SLC35D2: variants seen among roughly 807,000 people sequenced by gnomAD.
SLC35D2 encodes the protein solute carrier family 35 member D2, also known as nucleotide sugar transporter SLC35D2.
SLC35D2 carries 43 observed loss-of-function variants against 41.8 expected under a neutral mutation model. The ratio of observed to expected loss-of-function variants is 1.03; its 90% confidence interval spans 0.81 to 1.33. SLC35D2 has a LOEUF of 1.33. Ranked by LOEUF, SLC35D2 falls within the 40% of genes most tolerant of loss-of-function variation. SLC35D2 has a pLI of 0.00. For synonymous variants in SLC35D2, 150 were observed against 163.9 expected (o/e 0.92, Z 0.65); for missense variants, 380 against 408.4 (o/e 0.93, Z 0.60).
rs1227086220 is a variant in SLC35D2 at position 96,364,483 on chromosome 9, T to C, written c.260A>G (p.Asp87Gly). 2.5e-6 allele frequency: 4 copies of C among 1,588,586 alleles called. No individual in the cohort carries two copies. Among genetic ancestry groups the C allele is most frequent in the Non-Finnish European group, 2.6e-6 (3 of 1,157,888 alleles). ...ACTTACCTTTACAGGAATTTTCTTA[T>C]CAAAATCAGGGAAGTGAATGATTTT... ...LNKIIHFPDF[D>G]KKIPVKLFPL... Residue 87 changes from aspartate to glycine, a missense_variant, in exon 3 of 12, where the codon GAT becomes GGT. Asp to Gly is a moderately conservative substitution (Grantham distance 94). Coordinates refer to ENST00000253270, the MANE Select transcript of SLC35D2 (RefSeq NM_007001.3).
chr9:96,350,076 C>A (rs1829746188), intron 6 of SLC35D2, among the ~76,000 whole-genome samples: 1 of 152,194 alleles, frequency 6.6e-6, no homozygotes, highest in African/African-American at 2.4e-5. Context: ...AACTCAGCCC[C>A]TGGCTAGGAC....
chr9:96,327,409 C>T (rs987496072), intron 9 of SLC35D2, among the ~76,000 whole-genome samples: 1 of 152,010 alleles, frequency 6.6e-6, no homozygotes, highest in Non-Finnish European at 1.5e-5. Context: ...CCACCTCAGC[C>T]TGCATTCAGA....
At chr9:96,375,146 G>A (rs141058054) in intron 1 of SLC35D2, among the ~76,000 whole-genome samples, 6 of 150,978 alleles carry the variant, frequency 4.0e-5, no homozygotes, top group Admixed American at 2.6e-4. Flanking sequence ...CGCCCACCAC[G>A]ATGCCCGGCT....
In SLC35D2 at chr9:96,350,956, A is replaced by G. The variant is rs1326208026; in HGVS notation, c.488+147T>C. 10 of 610,000 alleles carry G rather than the reference A, an allele frequency of 1.6e-5. No homozygotes were observed. In the East Asian group the frequency reaches 2.7e-4, roughly 17 times the overall value. 37.8% of individuals were successfully genotyped at this position (610,000 alleles called of 1,614,324 possible). On this transcript the variant is annotated intron_variant, in intron 6 of 11. Transcript: ENST00000253270. ...CCCACTTTGACTTTCATAGGAACAC[A>G]TGGGGATTCCACTAACTTCAACAGA...
At chr9:96,350,582 G>A (rs186255701) in intron 6 of SLC35D2, among the ~76,000 whole-genome samples, 181 of 151,996 alleles carry the variant, frequency 1.2e-3, no homozygotes, top group Non-Finnish European at 1.9e-3. Flanking sequence ...GCCTGCCCAC[G>A]AAGACTTGGA....
At position 96,378,216 on chromosome 9, in the gene SLC35D2, TTGAG is replaced by T. The variant is rs1322859090; in HGVS notation, c.158+5257_158+5260del. 1.6e-3 allele frequency among the ~76,000 whole-genome samples: 240 copies of T among 151,750 alleles called. 4 individuals are homozygous for T. The highest frequency in any genetic ancestry group is 4.6e-4 in the Non-Finnish European group (31 of 67,972). On this transcript the variant is annotated intron_variant, in intron 1 of 11. Coordinates refer to ENST00000253270, the MANE Select transcript of SLC35D2 (RefSeq NM_007001.3). ...TAGGAGGCCAAGCCAGGTGGACCACTTGAGCCCAAGAGTTCGAGACCAGCCTGAG... is the reference window on the plus strand; with the variant it reads ...TAGGAGGCCAAGCCAGGTGGACCACTCCCAAGAGTTCGAGACCAGCCTGAG...
At chr9:96,381,070 C>T (rs1435279472) in intron 1 of SLC35D2, among the ~76,000 whole-genome samples, 1 of 152,276 alleles carries the variant, frequency 6.6e-6, no homozygotes, top group Admixed American at 6.5e-5. Flanking sequence ...GCCCCTCTCC[C>T]TGATGCCAGT....
At chr9:96,327,287 A>G (rs1828580696) in intron 9 of SLC35D2, among the ~76,000 whole-genome samples, 1 of 152,186 alleles carries the variant, frequency 6.6e-6, no homozygotes, top group Non-Finnish European at 1.5e-5. Context: ...AGATCTGGCT[A>G]TATTACCCAG....
Position 96,383,652 on chromosome 9 carries a change from A to G in SLC35D2, c.-18T>C, listed in dbSNP as rs938544843. ...GCCGTCATCTCCTGCGGCCCCGCGG[A>G]CCCCGCCGCCCGCCAGCCCCGGCTG... On this transcript the variant is annotated 5_prime_UTR_variant, in exon 1 of 12. Transcript: ENST00000253270. 29 of 1,025,986 alleles carry G rather than the reference A, an allele frequency of 2.8e-5. No homozygotes were observed. Among genetic ancestry groups the G allele is most frequent in the Non-Finnish European group, 3.4e-5 (29 of 859,866 alleles). The allele number at this position is 1,025,986 out of a possible 1,614,324, so 63.6% of individuals were successfully genotyped here. A position where few individuals can be genotyped will look rare whatever the true frequency, so the allele number is the denominator to read the frequency against.
chr9:96,382,496 C>CACTCTATATATATATATATATATATA (rs200897475), intron 1 of SLC35D2, among the ~76,000 whole-genome samples: 35 of 127,932 alleles, frequency 2.7e-4, no homozygotes, highest in African/African-American at 1.0e-3. Flanking sequence ...CACACACACA[C>CACTCTATATATATATATATATATATA]TATATATATA....
At chr9:96,315,959 T>C (rs1476603148), downstream of SLC35D2, among the ~76,000 whole-genome samples, 1 of 152,146 alleles carries the variant, frequency 6.6e-6, no homozygotes, top group Non-Finnish European at 1.5e-5. Flanking sequence ...AACTAGTAAA[T>C]GACAAGTAGG....
chr9:96,354,100 A>G (rs750270574), intron 4 of SLC35D2, among the ~76,000 whole-genome samples: 32 of 152,252 alleles, frequency 2.1e-4, no homozygotes, highest in Non-Finnish European at 3.7e-4. Flanking sequence ...AAAACGCTTT[A>G]TATTTTCAAT....
intron 4 of SLC35D2, among the ~76,000 whole-genome samples, chr9:96,353,546 A>C (rs1335340726): frequency 1.3e-5 from 2 of 152,118 alleles, no homozygotes; most frequent in Non-Finnish European, 2.9e-5. Context: ...AAGTTTTGCC[A>C]TGTTGGCCAG....
At chr9:96,354,959 A>T (rs565384626) in intron 4 of SLC35D2, among the ~76,000 whole-genome samples, 7 of 151,562 alleles carry the variant, frequency 4.6e-5, no homozygotes, top group Admixed American at 3.3e-4. Flanking sequence ...GCACTTTGGG[A>T]GGCTGAAGTG....
At chr9:96,356,450 G>T (rs1830029735) in intron 4 of SLC35D2, among the ~76,000 whole-genome samples, 1 of 139,564 alleles carries the variant, frequency 7.2e-6, no homozygotes, top group African/African-American at 2.7e-5. Context: ...AAATGCAAGA[G>T]AATTAAAAAA....
chr9:96,327,338 G>C (rs1179351738), intron 9 of SLC35D2, among the ~76,000 whole-genome samples: 1 of 152,170 alleles, frequency 6.6e-6, no homozygotes, highest in African/African-American at 2.4e-5. Context: ...CCTCCCGCCT[G>C]TCTTCCAAGT....
At chr9:96,382,636 T>C (rs71499945) in intron 1 of SLC35D2, among the ~76,000 whole-genome samples, 3,838 of 151,974 alleles carry the variant, frequency 0.025, 69 homozygotes, top group Middle Eastern at 0.054. Context: ...TGTATGTATA[T>C]ATAAAAAAAG....
chr9:96,321,272 T>C lies in SLC35D2; in HGVS notation c.984A>G (p.Glu328=). 6.2e-7 allele frequency: 1 copy of C among 1,613,996 alleles called. No homozygotes were observed. Among genetic ancestry groups the C allele is most frequent in the Non-Finnish European group, 8.5e-7 (1 of 1,179,890 alleles). ...SSQLKPKPVG[E]ENICLDLKS ...TCTTCAAATCCAAACAGATGTTTTC[T>C]TCACCCACAGGTTTAGGTTTTAACT... Residue 328 remains glutamate, a synonymous_variant, in exon 12 of 12, where the codon GAA becomes GAG. Transcript: ENST00000253270.
chr9:96,383,619 G>A lies in SLC35D2; in HGVS notation c.16C>T (p.Gln6Ter), dbSNP rs1831304897. ...CCGCCAGCGCCCTCGGCCTCGGCCTGGCCGCCGGCCGTCATCTCCTGCGGC... is the reference window on the plus strand; with the variant it reads ...CCGCCAGCGCCCTCGGCCTCGGCCTAGCCGCCGGCCGTCATCTCCTGCGGC... MTAGG[Q>*]AEAEGAGGEP... is the part of the protein sequence containing the mutation. Residue 6 changes from glutamine to a stop codon, truncating the protein, a stop_gained, in exon 1 of 12, where the codon CAG (glutamine) becomes TAG (stop). Transcript: ENST00000253270. LOFTEE classifies it high-confidence loss of function. 2 of 1,164,540 alleles carry A rather than the reference G, an allele frequency of 1.7e-6. No homozygotes were observed. The highest frequency in any genetic ancestry group is 2.1e-6 in the Non-Finnish European group (2 of 950,604). The allele number at this position is 1,164,540 out of a possible 1,614,324, so 72.1% of individuals were successfully genotyped here.
Sources: gnomAD v4.1 joint callset for allele counts (sites outside exome capture counted in the v4.1 genomes callset) on GRCh38, gnomAD v4.1.1 for gene constraint, MANE v1.5 for transcripts, NCBI Gene and HGNC (gene_info 2026-07-23, HGNC 2026-07-21) for gene names.